Variants in DTNA observed in about 807,000 individuals in gnomAD.
The protein encoded by DTNA is dystrophin-related protein 3.
A neutral mutation model predicts 100.7 loss-of-function variants in DTNA; 43 were observed. The observed-to-expected ratio is 0.43, with a 90% CI of 0.33 to 0.55. The LOEUF (loss-of-function observed/expected upper bound fraction) is 0.55. Among genes scored for constraint, DTNA ranks in the 20% least tolerant of loss-of-function variants. The pLI is 0.04. For missense variants in DTNA, 798 were observed against 953.9 expected (o/e 0.84, Z 2.15); for synonymous variants, 349 against 347.9 (o/e 1.00, Z -0.04).
At chr18:34,589,192 T>G (rs1459437248) in intron 1 of DTNA, among the ~76,000 whole-genome samples, 2 of 152,060 alleles carry the variant, frequency 1.3e-5, no homozygotes, top group East Asian at 3.8e-4. Context: ...TTTTCTTTGT[T>G]TTTAAAATGT....
chr18:34,761,369 T>A (rs1254419850), intron 2 of DTNA, among the ~76,000 whole-genome samples: 2 of 152,134 alleles, frequency 1.3e-5, no homozygotes, highest in Non-Finnish European at 2.9e-5. Context: ...ACAAAAATTG[T>A]GTGAAAATGT....
intron 1 of DTNA, among the ~76,000 whole-genome samples, chr18:34,735,884 C>G (rs895204913): frequency 7.2e-5 from 11 of 152,160 alleles, no homozygotes; most frequent in African/African-American, 2.4e-4. Flanking sequence ...GTGGCTAAAA[C>G]AGTGCATGAG....
rs1331707606 is a variant in DTNA at position 34,889,553 on chromosome 18, T to C, written c.*1819T>C. Reference sequence around the variant, plus strand: ...CTGAACCCACACACCAAGTTCGTAGTTGGTAGGTGCCCAGCCAAGTCCTGA... The same window carrying C: ...CTGAACCCACACACCAAGTTCGTAGCTGGTAGGTGCCCAGCCAAGTCCTGA... On this transcript the variant is annotated 3_prime_UTR_variant, in exon 23 of 23. Coordinates refer to ENST00000444659, the MANE Select transcript of DTNA (RefSeq NM_001386795.1). The C allele has an allele frequency of 6.1e-6, 6 of 985,284 alleles. No individual in the cohort carries two copies. The African/African-American group carries it at 1.0e-4, about 17-fold the overall frequency. 61.0% of individuals were successfully genotyped at this position (985,284 alleles called of 1,614,324 possible).
At position 34,838,773 on chromosome 18, in the gene DTNA, A is replaced by G; in HGVS notation, c.1282A>G (p.Arg428Gly). ...ACAGTACAGCCTGAATGTGGCAGAC[A>G]GGCTAGCTGATGAACATGTTCTCAT... ...GIQYSLNVAD[R>G]LADEHVLIGL... Residue 428 changes from arginine (R) to glycine (G), a missense_variant, in exon 13 of 23, where the codon AGG becomes GGG. This residue lies in a region of DTNA where 159 missense variants were observed against 201.2 expected (regional missense o/e 0.79). Transcript: ENST00000444659. 6.2e-7 allele frequency: 1 copy of G among 1,613,738 alleles called. No individual in the cohort carries two copies. Among genetic ancestry groups the G allele is most frequent in the Non-Finnish European group, 8.5e-7 (1 of 1,179,772 alleles).
chr18:34,584,145 G>C (rs762811728), intron 1 of DTNA, among the ~76,000 whole-genome samples: 1 of 152,318 alleles, frequency 6.6e-6, no homozygotes, highest in Non-Finnish European at 1.5e-5. Context: ...ACTACCCAAG[G>C]GGGAAGAAAT....
chr18:34,883,708 T>G (rs895032876), intron 21 of DTNA, among the ~76,000 whole-genome samples: 3 of 152,164 alleles, frequency 2.0e-5, no homozygotes. Flanking sequence ...CTCATATGTC[T>G]ATAGATAAAG....
At chr18:34,577,411 C>A (rs1457471215) in intron 1 of DTNA, among the ~76,000 whole-genome samples, 7 of 152,152 alleles carry the variant, frequency 4.6e-5, no homozygotes, top group Admixed American at 1.3e-4. Flanking sequence ...TTTATTCAGT[C>A]TGATAATGGA....
chr18:34,704,262 G>A (rs1361123218), intron 1 of DTNA, among the ~76,000 whole-genome samples: 3 of 152,116 alleles, frequency 2.0e-5, no homozygotes, highest in African/African-American at 4.8e-5. Flanking sequence ...TTTCCCCAGG[G>A]AGCCTTACAA....
chr18:34,544,914 A>G (rs180962144), intron 1 of DTNA, among the ~76,000 whole-genome samples: 216 of 152,114 alleles, frequency 1.4e-3, no homozygotes, highest in African/African-American at 4.9e-3. Flanking sequence ...GTTGGTATTG[A>G]CTGAGTTATC....
chr18:34,502,658 A>C (rs2040052280), intron 1 of DTNA, among the ~76,000 whole-genome samples: 2 of 152,190 alleles, frequency 1.3e-5, no homozygotes, highest in Admixed American at 1.3e-4. Flanking sequence ...TAAATGTTTG[A>C]AGATTTTTCC....
intron 1 of DTNA, among the ~76,000 whole-genome samples, chr18:34,628,659 T>A (rs2057665436): frequency 6.6e-6 from 1 of 152,234 alleles, no homozygotes; most frequent in Admixed American, 6.5e-5. Flanking sequence ...TTATTTGTTG[T>A]AATTGTCAAG....
At chr18:34,748,192 A>G (rs1294784784) in intron 1 of DTNA, among the ~76,000 whole-genome samples, 1 of 151,822 alleles carries the variant, frequency 6.6e-6, no homozygotes, top group Non-Finnish European at 1.5e-5. Context: ...AGATCCTTGT[A>G]GATTCGGGAT....
intron 1 of DTNA, among the ~76,000 whole-genome samples, chr18:34,624,682 A>G (rs899455793): frequency 9.2e-5 from 14 of 152,222 alleles, no homozygotes; most frequent in Admixed American, 3.3e-4. Flanking sequence ...TTTATAAACA[A>G]TGCTATCTTA....
chr18:34,820,651 G>A (rs2095691553), intron 8 of DTNA, 140 bp from the exon 9 acceptor site: 2 of 1,386,174 alleles, frequency 1.4e-6, no homozygotes, highest in Non-Finnish European at 2.0e-6. Flanking sequence ...TCCGAGCATT[G>A]AGCAAACTTC....
intron 13 of DTNA, among the ~76,000 whole-genome samples, chr18:34,846,844 T>C (rs140393779): frequency 1.2e-4 from 19 of 152,370 alleles, no homozygotes; most frequent in South Asian, 1.0e-3. Flanking sequence ...TATAATAGTA[T>C]GTTACTTTAT....
At chr18:34,874,742 A>C (rs2096798461) in intron 17 of DTNA, among the ~76,000 whole-genome samples, 1 of 152,190 alleles carries the variant, frequency 6.6e-6, no homozygotes, top group Non-Finnish European at 1.5e-5. Flanking sequence ...TTTGATTCTT[A>C]ATTTGAGACT....
chr18:34,600,569 A>G (rs1349818599), intron 1 of DTNA, among the ~76,000 whole-genome samples: 1 of 152,220 alleles, frequency 6.6e-6, no homozygotes. Flanking sequence ...TTATCTTCCA[A>G]TGCATATGAA....
chr18:34,562,447 ACTTCGTCC>A (rs986302816), intron 1 of DTNA, among the ~76,000 whole-genome samples: 8 of 152,316 alleles, frequency 5.3e-5, no homozygotes, highest in Admixed American at 2.6e-4. Context: ...CTATTCTTAG[ACTTCGTCC>A]TCAGTCAGAA....
At chr18:34,663,928 CAT>C (rs1241848757) in intron 1 of DTNA, among the ~76,000 whole-genome samples, 4 of 152,036 alleles carry the variant, frequency 2.6e-5, no homozygotes, top group African/African-American at 9.7e-5. Context: ...GTCATAAAAT[CAT>C]ATATAGATTT....
Sources: gnomAD v4.1 joint callset for allele counts (sites outside exome capture counted in the v4.1 genomes callset) on GRCh38, gnomAD v4.1.1 for gene constraint, gnomAD v4.1.1 regional missense constraint, MANE v1.5 for transcripts, NCBI Gene and HGNC (gene_info 2026-07-23, HGNC 2026-07-21) for gene names.